The following SDHC variants were observed in gnomAD, a reference collection of about 807,000 sequenced individuals.
The protein encoded by SDHC is succinate dehydrogenase complex subunit C.
SDHC carries 11 observed loss-of-function variants against 22.6 expected under a neutral mutation model. The observed-to-expected ratio is 0.49, with a 90% CI of 0.31 to 0.81. The LOEUF (loss-of-function observed/expected upper bound fraction) is 0.81, where lower values mean the gene tolerates loss of function less well. Among genes scored for constraint, SDHC ranks in the 30% least tolerant of loss-of-function variants. The pLI is 0.05. For synonymous variants in SDHC, 80 were observed against 77.8 expected, an observed-to-expected ratio of 1.03 and a Z score of -0.15; for missense variants, 160 against 212.0, an observed-to-expected ratio of 0.75 and a Z score of 1.52.
intron 2 of SDHC, among the ~76,000 whole-genome samples, 185 bp from the exon 3 acceptor site, chr1:161,328,206 TGGTCA>T (rs1393345384): frequency 6.6e-6 from 1 of 152,122 alleles, no homozygotes; most frequent in Admixed American, 6.6e-5. Flanking sequence ...TTCTCCATGT[TGGTCA>T]GGCTGGTCTC....
intron 3 of SDHC, among the ~76,000 whole-genome samples, chr1:161,334,399 G>GGATA (rs2102321490): frequency 6.6e-6 from 1 of 152,026 alleles, no homozygotes; most frequent in East Asian, 1.9e-4. Context: ...TAATAATCTA[G>GGATA]GATAGTCTAT....
chr1:161,337,920 T>C (rs1671556824), intron 3 of SDHC, among the ~76,000 whole-genome samples: 1 of 152,236 alleles, frequency 6.6e-6, no homozygotes, highest in African/African-American at 2.4e-5. Context: ...TGATAATTAT[T>C]CTCTTTGACA....
intron 4 of SDHC, among the ~76,000 whole-genome samples, chr1:161,347,370 C>T (rs758378957): frequency 6.6e-6 from 1 of 152,010 alleles, no homozygotes; most frequent in Non-Finnish European, 1.5e-5. Context: ...TTTTCTTCCT[C>T]AGCCTTCCGA....
At chr1:161,326,541 TTCTC>T (rs147940627) in intron 2 of SDHC, 6 of 138,662 alleles carry the variant, frequency 4.3e-5, no homozygotes, top group African/African-American at 1.1e-4. Flanking sequence ...TCTTCTCTCT[TTCTC>T]TCTCTTTTTT....
At chr1:161,315,841 C>CA (rs1670589363) in intron 1 of SDHC, among the ~76,000 whole-genome samples, 1 of 152,020 alleles carries the variant, frequency 6.6e-6, no homozygotes, top group Non-Finnish European at 1.5e-5. Context: ...GTTCAGCATA[C>CA]AGAGGATCCC....
intron 4 of SDHC, among the ~76,000 whole-genome samples, chr1:161,355,077 G>A (rs1249281085): frequency 3.9e-5 from 6 of 152,084 alleles, no homozygotes; most frequent in Non-Finnish European, 7.4e-5. Flanking sequence ...ATTGGTGGTC[G>A]ATAGCCACTG....
chr1:161,327,168 G>A (rs558880936), intron 2 of SDHC, among the ~76,000 whole-genome samples: 50 of 151,896 alleles, frequency 3.3e-4, no homozygotes, highest in African/African-American at 1.1e-3. Flanking sequence ...GGCTCAAGCC[G>A]TCTGCCCACC....
At chr1:161,354,850 C>T (rs948969455) in intron 4 of SDHC, among the ~76,000 whole-genome samples, 1 of 151,896 alleles carries the variant, frequency 6.6e-6, no homozygotes, top group Non-Finnish European at 1.5e-5. Context: ...GCTGGGACTA[C>T]AGGTGTGCGC....
intron 3 of SDHC, among the ~76,000 whole-genome samples, chr1:161,336,195 A>G (rs1051464100): frequency 1.1e-4 from 17 of 152,192 alleles, no homozygotes; most frequent in Non-Finnish European, 1.3e-4. Flanking sequence ...GCGGTGGCTC[A>G]TGCCTGTAAT....
chr1:161,322,969 G>A (rs1262432858), intron 1 of SDHC, among the ~76,000 whole-genome samples: 3 of 151,982 alleles, frequency 2.0e-5, no homozygotes, highest in East Asian at 1.9e-4. Context: ...TGTTAACCCC[G>A]TCTCTTAGAC....
At chr1:161,322,612 T>C (rs1470299072) in intron 1 of SDHC, among the ~76,000 whole-genome samples, 1 of 151,496 alleles carries the variant, frequency 6.6e-6, no homozygotes, top group African/African-American at 2.4e-5. Context: ...TGTCACCCAG[T>C]CTGGAGTGCA....
chr1:161,333,982 A>G (rs1336552883), intron 3 of SDHC, among the ~76,000 whole-genome samples: 2 of 152,136 alleles, frequency 1.3e-5, no homozygotes, highest in Admixed American at 1.3e-4. Flanking sequence ...AATCTATACT[A>G]ATTTTCTATT....
At chr1:161,337,745 A>G (rs563729994) in intron 3 of SDHC, among the ~76,000 whole-genome samples, 4 of 152,320 alleles carry the variant, frequency 2.6e-5, no homozygotes, top group East Asian at 1.9e-4. Flanking sequence ...AGTATTTCTG[A>G]AAGATTTCTG....
At chr1:161,319,926 A>G (rs1670780662) in intron 1 of SDHC, among the ~76,000 whole-genome samples, 1 of 147,900 alleles carries the variant, frequency 6.8e-6, no homozygotes, top group South Asian at 2.2e-4. Context: ...AGGTCCAGAG[A>G]GTTGGCCACG....
chr1:161,333,559 G>A (rs769537220), intron 3 of SDHC, among the ~76,000 whole-genome samples: 3 of 152,012 alleles, frequency 2.0e-5, no homozygotes, highest in Non-Finnish European at 2.9e-5. Flanking sequence ...ATGCGCCACC[G>A]CGCCCAACTA....
intron 1 of SDHC, among the ~76,000 whole-genome samples, chr1:161,318,593 G>A (rs753842700): frequency 4.6e-5 from 7 of 152,180 alleles, no homozygotes; most frequent in African/African-American, 9.7e-5. Context: ...ATTAAATGCC[G>A]TATGTGAAAT....
chr1:161,345,333 T>C (rs1671853805), intron 4 of SDHC, among the ~76,000 whole-genome samples: 2 of 152,262 alleles, frequency 1.3e-5, no homozygotes, highest in Non-Finnish European at 2.9e-5. Context: ...AAGAGCACTT[T>C]GCTTACCACC....
At chr1:161,353,313 A>AT (rs1317496383) in intron 4 of SDHC, among the ~76,000 whole-genome samples, 9 of 152,190 alleles carry the variant, frequency 5.9e-5, no homozygotes, top group Non-Finnish European at 1.3e-4. Context: ...TTTGATGCAT[A>AT]GATCAGGGAT....
At chr1:161,346,223 T>A (rs567563985) in intron 4 of SDHC, among the ~76,000 whole-genome samples, 1 of 152,338 alleles carries the variant, frequency 6.6e-6, no homozygotes, top group Non-Finnish European at 1.5e-5. Flanking sequence ...ATTTACTAAA[T>A]GAACATACCC....
Sources: gnomAD v4.1 joint callset for allele counts (sites outside exome capture counted in the v4.1 genomes callset) on GRCh38, gnomAD v4.1.1 for gene constraint, MANE v1.5 for transcripts, NCBI Gene and HGNC (gene_info 2026-07-23, HGNC 2026-07-21) for gene names.